RSAD1: variants seen among roughly 807,000 people sequenced by gnomAD.
The protein encoded by RSAD1 is radical S-adenosyl methionine domain containing 1.
A neutral mutation model predicts 46.2 loss-of-function variants in RSAD1; 34 were observed. The ratio of observed to expected loss-of-function variants is 0.74; its 90% CI spans 0.56 to 0.98. The LOEUF (loss-of-function observed/expected upper bound fraction) is 0.98. Among genes scored for constraint, RSAD1 ranks in the 50% least tolerant of loss-of-function variants. RSAD1 has a pLI of 0.00. For missense variants in RSAD1, 635 were observed against 592.3 expected (o/e 1.07, Z -0.75); for synonymous variants, 260 against 253.5 (o/e 1.03, Z -0.24).
At chr17:50,479,334 A>T (rs1260288388) in intron 1 of RSAD1, 2 of 491,168 alleles carry the variant, frequency 4.1e-6, no homozygotes, top group African/African-American at 4.0e-5. Flanking sequence ...AATGGCTCAT[A>T]GGAAAATTGT....
chr17:50,482,456 T>C lies in RSAD1; in HGVS notation c.840T>C (p.Asn280=). The C allele has an allele frequency of 6.3e-7, 1 of 1,590,748 alleles. No homozygotes were observed. Among genetic ancestry groups the C allele is most frequent in the Non-Finnish European group, 8.5e-7 (1 of 1,171,488 alleles). ...ATGAGGTCTCCAACTTTGCCCGGAA[T>C]GTAAGTTCTGGGGCTGATGGCTGGA... ...HQYEVSNFAR[N]GALSTHNWTY... The change falls in exon 4 of 9, where the codon AAT becomes AAC. Residue 280 remains asparagine (N), a splice_region_variant and synonymous_variant. Coordinates refer to ENST00000258955, the MANE Select transcript of RSAD1 (RefSeq NM_018346.3).
chr17:50,484,650 G>A (rs939614034), intron 8 of RSAD1, 94 bp from the exon 9 acceptor site: 6 of 1,504,888 alleles, frequency 4.0e-6, no homozygotes, highest in African/African-American at 2.7e-5. Context: ...CTGGTAAGGC[G>A]GGACCTGCGG....
Position 50,482,184 on chromosome 17 carries a change from GGGC to G in RSAD1, c.570_572del (p.Arg191del), listed in dbSNP as rs1567870018. On this transcript the variant is annotated inframe_deletion, in exon 4 of 9. Coordinates refer to ENST00000258955, the MANE Select transcript of RSAD1 (RefSeq NM_018346.3). The stretch of plus-strand genomic sequence containing the variant: ...GGCAGAGGCCCGGCGCCTCTTTCCC[GGGC>G]GCGTGTCTGTAGACTTGATGCTGGG... The G allele has an allele frequency of 1.3e-6, 2 of 1,578,528 alleles. No homozygotes were observed. The highest frequency in any genetic ancestry group is 3.4e-4 in the Middle Eastern group (2 of 5,912).
chr17:50,479,871 T>A lies in RSAD1; in HGVS notation c.270-9T>A. On this transcript the variant is annotated splice_polypyrimidine_tract_variant and intron_variant, in intron 2 of 8. Coordinates refer to ENST00000258955, the MANE Select transcript of RSAD1 (RefSeq NM_018346.3). ...CCCCAGGTCTCATTTCTCCATTCTC[T>A]TTCCCCAGGGTGGAGTCTGTGTTCT... 6.2e-7 allele frequency: 1 copy of A among 1,608,160 alleles called. No homozygotes were observed. The highest frequency in any genetic ancestry group is 8.5e-7 in the Non-Finnish European group (1 of 1,176,134).
intron 8 of RSAD1, 37 bp downstream of exon 8, chr17:50,484,582 A>G (rs1379238446): frequency 1.9e-6 from 3 of 1,597,142 alleles, no homozygotes; most frequent in South Asian, 2.2e-5. Context: ...GGGCTGAGGC[A>G]TACCAGGGAG....
At position 50,482,341 on chromosome 17, in the gene RSAD1, G is replaced by T. The variant is rs1341932791; in HGVS notation, c.725G>T (p.Arg242Leu). The T allele has an allele frequency of 6.2e-7, 1 of 1,612,442 alleles. No individual in the cohort carries two copies. The highest frequency in any genetic ancestry group is 8.5e-7 in the Non-Finnish European group (1 of 1,179,272). Residue 242 changes from arginine to leucine, a missense_variant, in exon 4 of 9, where the codon CGG becomes CTG. Coordinates refer to ENST00000258955, the MANE Select transcript of RSAD1 (RefSeq NM_018346.3). ...ACCGCACTCTTCGCCCAGGTGCAGC[G>T]GGGTGCCCTTCCAGCCCCTGACCCG... ...RGTALFAQVQ[R>L]GALPAPDPEL...
rs2033427884 is a variant in RSAD1 at position 50,484,565 on chromosome 17, G to C, written c.1211+20G>C. 1 of 1,609,112 alleles carries C rather than the reference G, an allele frequency of 6.2e-7. No homozygotes were observed. The highest frequency in any genetic ancestry group is 1.1e-5 in the South Asian group (1 of 90,912). On this transcript the variant is annotated intron_variant, in intron 8 of 8. Coordinates refer to ENST00000258955, the MANE Select transcript of RSAD1 (RefSeq NM_018346.3). ...TCACAGGTGTGTTGGGGGGTGCCGG[G>C]CAGAGGGGGCTGAGGCATACCAGGG...
At chr17:50,480,459 G>A in intron 3 of RSAD1, 1 of 241,284 alleles carries the variant, frequency 4.1e-6, no homozygotes, top group South Asian at 5.0e-5. Context: ...CAGCCTGAAG[G>A]GAGGTCACTC....
At position 50,483,745 on chromosome 17, in the gene RSAD1, G is replaced by A; in HGVS notation, c.1092G>A (p.Val364=). 1 of 1,610,832 alleles carries A rather than the reference G, an allele frequency of 6.2e-7. No homozygotes were observed. Among genetic ancestry groups the A allele is most frequent in the Non-Finnish European group, 8.5e-7 (1 of 1,179,080 alleles). The change falls in exon 7 of 9, where the codon GTG becomes GTA. Residue 364 remains valine (V), a synonymous_variant. Coordinates refer to ENST00000258955, the MANE Select transcript of RSAD1 (RefSeq NM_018346.3). ...EVLALGLRTD[V]GITHQHWQQF... is the part of the protein sequence containing the mutation. ...TGGCCCTGGGGCTACGCACCGATGT[G>A]GGGATCACTCACCAGGTAAGGAGTT...
chr17:50,483,505 C>T lies in RSAD1; in HGVS notation c.1052+18C>T. 6.2e-7 allele frequency: 1 copy of T among 1,611,148 alleles called. No homozygotes were observed. Among genetic ancestry groups the T allele is most frequent in the African/African-American group, 1.3e-5 (1 of 75,016 alleles). On this transcript the variant is annotated intron_variant, in intron 6 of 8. Coordinates refer to ENST00000258955, the MANE Select transcript of RSAD1 (RefSeq NM_018346.3). ...CTGGAGCTGTGAGCATCCAAGGGCA[C>T]AGGGCTCTCCTCCAGGATCCCCACA...
Position 50,485,037 on chromosome 17 carries a change from A to T in RSAD1, c.*176A>T, listed in dbSNP as rs1338852889. 1.7e-6 allele frequency: 1 copy of T among 597,028 alleles called. No homozygotes were observed. Among genetic ancestry groups the T allele is most frequent in the Non-Finnish European group, 3.0e-6 (1 of 333,630 alleles). The allele number at this position is 597,028 out of a possible 1,614,324, so 37.0% of individuals were successfully genotyped here. On this transcript the variant is annotated 3_prime_UTR_variant, in exon 9 of 9. Transcript: ENST00000258955. ...GGTAGATGGGAGGACATTTCTGGTC[A>T]GGGAACTGGCATCCCATTCAGCATC...
intron 1 of RSAD1, 48 bp downstream of exon 1, chr17:50,479,067 G>GC (rs2033346441): frequency 1.9e-5 from 25 of 1,295,918 alleles, no homozygotes; most frequent in Non-Finnish European, 2.4e-5. Context: ...CGCAGCCCTG[G>GC]CCGTGACCGT....
chr17:50,484,557 G>T lies in RSAD1; in HGVS notation c.1211+12G>T. The T allele has an allele frequency of 6.2e-7, 1 of 1,611,614 alleles. No individual in the cohort carries two copies. ...CAGCTGGATCACAGGTGTGTTGGGG[G>T]GTGCCGGGCAGAGGGGGCTGAGGCA... On this transcript the variant is annotated intron_variant, in intron 8 of 8. Coordinates refer to ENST00000258955, the MANE Select transcript of RSAD1 (RefSeq NM_018346.3).
At chr17:50,484,640 C>A in intron 8 of RSAD1, 95 bp downstream of exon 8, 1 of 1,522,726 alleles carries the variant, frequency 6.6e-7, no homozygotes. Context: ...GAAAGACTGA[C>A]TGGTAAGGCG....
chr17:50,480,671 AGT>A (rs1476190467), intron 3 of RSAD1: 1 of 157,178 alleles, frequency 6.4e-6, no homozygotes, highest in Non-Finnish European at 1.4e-5. Flanking sequence ...CCTACTAAGG[AGT>A]GTGGGTTTTG....
rs148615509 is a variant in RSAD1, at chr17:50,484,502, G to A, written c.1168G>A (p.Val390Met). ...GGATGTGTTTGGAGCGAACAAGGAG[G>A]TGCAGGAGCTGCTGGAGCGGGGCCT... ...LWDVFGANKEVQELLERGLLQ... is the reference protein window; with the variant it reads ...LWDVFGANKEMQELLERGLLQ... Residue 390 changes from valine (V) to methionine (M), a missense_variant, in exon 8 of 9, where the codon GTG becomes ATG. Val to Met is a conservative substitution (Grantham distance 21, BLOSUM62 1). Transcript: ENST00000258955. 6.2e-7 allele frequency: 1 copy of A among 1,613,772 alleles called. No individual in the cohort carries two copies. The highest frequency in any genetic ancestry group is 1.3e-5 in the African/African-American group (1 of 75,060).
chr17:50,483,471 CT>C lies in RSAD1; in HGVS notation c.1037del (p.Leu346ArgfsTer33), dbSNP rs2033410620. 1.9e-6 allele frequency: 3 copies of C among 1,612,846 alleles called. No individual in the cohort carries two copies. Among genetic ancestry groups the C allele is most frequent in the Non-Finnish European group, 2.5e-6 (3 of 1,179,450 alleles). ...FGHGTRKRVP[L>X]GRLELLEEVL... ...CCATGGCACCCGGAAGCGTGTCCCC[CT>C]GGGCAGGCTGGAGCTGTGAGCATCC... On this transcript the variant is annotated frameshift_variant, in exon 6 of 9. Transcript: ENST00000258955. LOFTEE classifies it high-confidence loss of function.
intron 5 of RSAD1, 151 bp from the exon 6 acceptor site, chr17:50,483,189 A>AAAAAAAAAAAAG (rs779338411): frequency 5.4e-4 from 147 of 270,618 alleles, no homozygotes; most frequent in African/African-American, 1.4e-3. Flanking sequence ...AAAAAAAAAA[A>AAAAAAAAAAAAG]AAAGAAAGAA....
chr17:50,483,760 G>C lies in RSAD1; in HGVS notation c.1107G>C (p.Gln369His). ...GLRTDVGITHQHWQQFEPQLT... is the reference protein window; with the variant it reads ...GLRTDVGITHHHWQQFEPQLT... ...GCACCGATGTGGGGATCACTCACCA[G>C]GTAAGGAGTTAGGATTCTTGCACAC... The change falls in exon 7 of 9, where the codon CAG becomes CAC. Residue 369 changes from glutamine (Q) to histidine (H), a missense_variant and splice_region_variant. Transcript: ENST00000258955. 1 of 1,606,552 alleles carries C rather than the reference G, an allele frequency of 6.2e-7. No homozygotes were observed. The highest frequency in any genetic ancestry group is 8.5e-7 in the Non-Finnish European group (1 of 1,177,942).
Sources: allele counts gnomAD v4.1 joint callset, GRCh38; gene constraint gnomAD v4.1.1; transcripts MANE v1.5; gene names NCBI Gene and HGNC (gene_info 2026-07-23, HGNC 2026-07-21).